The following AOPEP variants were observed in gnomAD, a reference collection of about 807,000 sequenced individuals.
AOPEP encodes the protein aminopeptidase O (putative).
In AOPEP, 77 loss-of-function variants were observed where a neutral mutation model predicts 98.1. That is an observed-to-expected ratio of 0.78 (90% CI 0.65 to 0.95). The LOEUF (loss-of-function observed/expected upper bound fraction) is 0.95. AOPEP is among the 40% of genes least tolerant of loss of function. The probability of loss-of-function intolerance (pLI) is 0.00; values close to 1 mark genes in which losing one functional copy is unlikely to be tolerated. For missense variants in AOPEP, 1,024 were observed against 1,024.7 expected (o/e 1.00, Z 0.01); for synonymous variants, 346 against 365.3 (o/e 0.95, Z 0.60).
intron 3 of AOPEP, among the ~76,000 whole-genome samples, chr9:94,781,213 A>G (rs996501090): frequency 6.6e-6 from 1 of 151,970 alleles, no homozygotes; most frequent in Non-Finnish European, 1.5e-5. Context: ...GCAGACAGAG[A>G]TGTTATCCTG....
chr9:95,010,271 A>G (rs934720779), intron 13 of AOPEP, among the ~76,000 whole-genome samples: 3 of 152,214 alleles, frequency 2.0e-5, no homozygotes, highest in African/African-American at 7.2e-5. Flanking sequence ...ACAAAGGTAT[A>G]TTTTATGTTC....
chr9:94,806,683 T>C (rs1273639141), intron 5 of AOPEP, among the ~76,000 whole-genome samples: 3 of 152,196 alleles, frequency 2.0e-5, no homozygotes, highest in African/African-American at 7.2e-5. Context: ...CCCCTTCTAA[T>C]GTGTTCTGGT....
At chr9:94,768,200 G>A (rs1484998157) in intron 2 of AOPEP, among the ~76,000 whole-genome samples, 6 of 152,074 alleles carry the variant, frequency 3.9e-5, no homozygotes, top group Non-Finnish European at 8.8e-5. Context: ...TCAGGTCAGG[G>A]CCTCATCAAG....
At chr9:94,837,118 T>C (rs571463698) in intron 5 of AOPEP, among the ~76,000 whole-genome samples, 1 of 152,276 alleles carries the variant, frequency 6.6e-6, no homozygotes, top group South Asian at 2.1e-4. Flanking sequence ...CATTCAAGGC[T>C]ACTGTGAACA....
At chr9:94,770,253 GC>G (rs1184554412) in intron 2 of AOPEP, among the ~76,000 whole-genome samples, 1 of 152,140 alleles carries the variant, frequency 6.6e-6, no homozygotes, top group Non-Finnish European at 1.5e-5. Context: ...CAGTAGCTTT[GC>G]CATCCATCTT....
chr9:95,041,446 GGTGTGT>G (rs57837059), intron 13 of AOPEP, among the ~76,000 whole-genome samples: 4 of 142,012 alleles, frequency 2.8e-5, no homozygotes, highest in African/African-American at 1.1e-4. Context: ...AGTCCTTGGG[GGTGTGT>G]GTGTGTGTGT....
chr9:94,783,838 A>C (rs1012168503), intron 3 of AOPEP, among the ~76,000 whole-genome samples: 1 of 152,332 alleles, frequency 6.6e-6, no homozygotes. Flanking sequence ...CAAAGTAATC[A>C]TAACATATAT....
At chr9:95,072,809 A>C (rs574284100) in intron 14 of AOPEP, among the ~76,000 whole-genome samples, 2 of 152,214 alleles carry the variant, frequency 1.3e-5, no homozygotes, top group East Asian at 3.8e-4. Flanking sequence ...CTGTGTCCCA[A>C]ATCCAAGATG....
chr9:94,955,795 G>A (rs186952786), intron 8 of AOPEP, 113 bp from the exon 9 acceptor site: 8 of 667,524 alleles, frequency 1.2e-5, no homozygotes, highest in African/African-American at 1.1e-4. Context: ...CAGGTAGGAC[G>A]GCACATTCTA....
At chr9:94,935,814 C>T (rs955727793) in intron 7 of AOPEP, among the ~76,000 whole-genome samples, 2 of 152,190 alleles carry the variant, frequency 1.3e-5, no homozygotes, top group African/African-American at 2.4e-5. Flanking sequence ...TGCTTAACTC[C>T]CCGTTGACAT....
chr9:94,791,306 AAAG>A lies in AOPEP; in HGVS notation c.965-1455_965-1453del, dbSNP rs575195969. 3.3e-5 allele frequency among the ~76,000 whole-genome samples: 5 copies of A among 152,204 alleles called. No individual in the cohort carries two copies. In the South Asian group the frequency reaches 1.0e-3, roughly 32 times the overall value. On this transcript the variant is annotated intron_variant, in intron 3 of 16. Transcript: ENST00000375315. ...GTGAACACTGAGTACACATGGATACAAAGAAGGGAACAACAGACACCAGGGCCT... is the reference window on the plus strand; with the variant it reads ...GTGAACACTGAGTACACATGGATACAAAGGGAACAACAGACACCAGGGCCT...
At chr9:94,907,165 T>A (rs1000142941) in intron 5 of AOPEP, among the ~76,000 whole-genome samples, 1 of 152,162 alleles carries the variant, frequency 6.6e-6, no homozygotes, top group Admixed American at 6.5e-5. Context: ...AATAAGGACA[T>A]TACTAATTTC....
At chr9:94,775,497 G>T (rs1309083227) in intron 3 of AOPEP, among the ~76,000 whole-genome samples, 1 of 151,872 alleles carries the variant, frequency 6.6e-6, no homozygotes, top group Non-Finnish European at 1.5e-5. Flanking sequence ...CTCCCCAGTA[G>T]CTGGGACTAC....
At chr9:95,133,608 G>A in the AOPEP span, among the ~76,000 whole-genome samples, 6 of 152,210 alleles carry the variant, frequency 3.9e-5, no homozygotes, top group East Asian at 1.2e-3. Flanking sequence ...AAAGGACATG[G>A]AGAAGGTTCA....
At chr9:95,122,360 G>T in the AOPEP span, among the ~76,000 whole-genome samples, 13 of 152,188 alleles carry the variant, frequency 8.5e-5, no homozygotes, top group African/African-American at 3.1e-4. Context: ...AAAATGGACA[G>T]TCAAGAAGGC....
intron 5 of AOPEP, among the ~76,000 whole-genome samples, chr9:94,847,181 GTC>G (rs1201526989): frequency 8.9e-6 from 1 of 112,072 alleles, no homozygotes; most frequent in East Asian, 2.7e-4. Flanking sequence ...CTCTCTCTCT[GTC>G]TCTGTCTCTC....
intron 13 of AOPEP, among the ~76,000 whole-genome samples, chr9:95,038,702 T>C (rs1175622056): frequency 1.3e-5 from 2 of 152,240 alleles, no homozygotes; most frequent in African/African-American, 4.8e-5. Flanking sequence ...TTCATTTCTT[T>C]TCCTGTTCTT....
In AOPEP at chr9:95,005,560, G is replaced by C. The variant is rs758536335; in HGVS notation, c.2059G>C (p.Val687Leu). 2 of 1,614,082 alleles carry C rather than the reference G, an allele frequency of 1.2e-6. No individual in the cohort carries two copies. Among genetic ancestry groups the C allele is most frequent in the Admixed American group, 3.3e-5 (2 of 60,032 alleles). Residue 687 changes from valine to leucine, a missense_variant, in exon 13 of 17, where the codon GTG (valine) becomes CTG (leucine). Around this residue, in one of 3 missense-constraint regions of AOPEP, gnomAD observed 566 missense variants for 551.7 expected, o/e 1.03. Transcript: ENST00000375315. ...VRAEVTKWIG[V>L]NRRPRKRKRR... ...ACCTCAGGTCACGAAATGGATTGGAGTGAACCGGAGACCCCGAAAACGGAA... is the reference window on the plus strand; with the variant it reads ...ACCTCAGGTCACGAAATGGATTGGACTGAACCGGAGACCCCGAAAACGGAA...
chr9:95,129,144 A>T, the AOPEP span, among the ~76,000 whole-genome samples: 1 of 152,002 alleles, frequency 6.6e-6, no homozygotes, highest in Non-Finnish European at 1.5e-5. Flanking sequence ...CTCACTGAAA[A>T]AAAAGAAAAC....
Sources: gnomAD v4.1 joint callset for allele counts (sites outside exome capture counted in the v4.1 genomes callset) on GRCh38, gnomAD v4.1.1 for gene constraint, gnomAD v4.1.1 regional missense constraint, MANE v1.5 for transcripts, NCBI Gene and HGNC (gene_info 2026-07-23, HGNC 2026-07-21) for gene names.